PCDH11X: variants seen among roughly 807,000 people sequenced by gnomAD.
The protein encoded by PCDH11X is protocadherin-11 X-linked.
A neutral mutation model predicts 53.3 loss-of-function variants in PCDH11X; 18 were observed. That is an observed-to-expected ratio of 0.34 (90% CI 0.23 to 0.50). The LOEUF is 0.50. PCDH11X is among the 20% of genes least tolerant of loss of function. PCDH11X has a pLI of 0.98. For missense variants in PCDH11X, 570 were observed against 1,032.4 expected (o/e 0.55, Z 6.14); for synonymous variants, 279 against 393.3 (o/e 0.71, Z 3.44).
At chrX:92,038,441 T>A (rs1365613846) in intron 6 of PCDH11X, among the ~76,000 whole-genome samples, 1 of 111,103 alleles carries the variant, frequency 9.0e-6, no homozygotes, top group African/African-American at 3.3e-5. Flanking sequence ...AGCCTCAAGC[T>A]TTGGCAGTAT....
intron 6 of PCDH11X, among the ~76,000 whole-genome samples, chrX:91,940,537 G>A (rs950646596): frequency 3.6e-5 from 4 of 110,413 alleles, no homozygotes; most frequent in Admixed American, 2.9e-4. Flanking sequence ...ACATATATAT[G>A]TATTGTTTTT....
intron 8 of PCDH11X, among the ~76,000 whole-genome samples, chrX:92,284,505 A>G (rs1036699394): frequency 8.9e-6 from 1 of 112,273 alleles, no homozygotes; most frequent in African/African-American, 3.2e-5. Flanking sequence ...ATATATTTTA[A>G]TCCACTGTTA....
intron 6 of PCDH11X, among the ~76,000 whole-genome samples, chrX:91,955,163 T>C (rs2061692941): frequency 1.8e-5 from 2 of 111,683 alleles, no homozygotes; most frequent in Non-Finnish European, 1.9e-5. Context: ...GTTTCAATTT[T>C]CTGCGTATGG....
chrX:91,791,835 G>A (rs1227510647), intron 1 of PCDH11X, among the ~76,000 whole-genome samples: 3 of 99,566 alleles, frequency 3.0e-5, no homozygotes, highest in Non-Finnish European at 6.0e-5. Flanking sequence ...AGAAATATCA[G>A]TTCTATGAAC....
intron 8 of PCDH11X, among the ~76,000 whole-genome samples, chrX:92,270,719 A>G (rs911156928): frequency 4.5e-5 from 5 of 111,888 alleles, no homozygotes; most frequent in African/African-American, 6.5e-5. Context: ...AGTCAATTAT[A>G]TATTATTCTC....
At chrX:92,334,499 G>A (rs775916999) in intron 8 of PCDH11X, among the ~76,000 whole-genome samples, 2 of 111,525 alleles carry the variant, frequency 1.8e-5, no homozygotes, top group African/African-American at 6.5e-5. Context: ...AGTAAAAAGT[G>A]ATCTTTCAGT....
intron 6 of PCDH11X, among the ~76,000 whole-genome samples, chrX:92,156,741 T>C: frequency 8.9e-6 from 1 of 111,830 alleles, no homozygotes; most frequent in South Asian, 3.8e-4. Context: ...GAATTTCCAT[T>C]CCTTGCATAG....
Position 92,618,753 on chromosome X carries a change from C to A in PCDH11X, c.3857C>A (p.Ala1286Asp). 1 of 1,212,021 alleles carries A rather than the reference C, an allele frequency of 8.3e-7. No homozygotes were observed. The highest frequency in any genetic ancestry group is 1.1e-6 in the Non-Finnish European group (1 of 895,528). ...TTGCAGCAAGGTTGGGTGCAAGGTG[C>A]TGATGGGCTATGCTCTGTTGATCAG... is the stretch of plus-strand genomic sequence containing the variant. ...VSLQQGWVQG[A>D]DGLCSVDQGV... Residue 1286 changes from alanine to aspartate, a missense_variant, in exon 11 of 11, where the codon GCT becomes GAT. Ala to Asp is a moderately radical substitution (Grantham distance 126). Transcript: ENST00000682573.
chrX:91,887,710 T>C (rs1044643168), intron 6 of PCDH11X, among the ~76,000 whole-genome samples: 9 of 111,739 alleles, frequency 8.1e-5, no homozygotes, highest in African/African-American at 2.9e-4. Flanking sequence ...TTTAAAATTA[T>C]AGAATTATGC....
intron 6 of PCDH11X, among the ~76,000 whole-genome samples, chrX:92,018,735 C>T (rs2525158): frequency 9.0e-5 from 10 of 110,667 alleles, no homozygotes; most frequent in Admixed American, 1.9e-4. Flanking sequence ...GAGCCATGTA[C>T]GTGTTTGCAT....
At chrX:92,003,685 G>T (rs1369386122) in intron 6 of PCDH11X, among the ~76,000 whole-genome samples, 6 of 99,374 alleles carry the variant, frequency 6.0e-5, no homozygotes, top group Admixed American at 1.1e-4. Context: ...GCTTAGAGTT[G>T]CTCATAGTAG....
chrX:92,375,170 T>A (rs866075397), intron 8 of PCDH11X, among the ~76,000 whole-genome samples: 128 of 14,154 alleles, frequency 9.0e-3, no homozygotes, highest in African/African-American at 0.028. Context: ...ATATATATTT[T>A]TTTTTTTTTT....
At chrX:91,882,769 C>T (rs999179442) in intron 6 of PCDH11X, 32 of 948,123 alleles carry the variant, frequency 3.4e-5, no homozygotes, top group Non-Finnish European at 3.4e-5. Flanking sequence ...TTGGTATTCA[C>T]TATTGTAAAA....
chrX:91,915,800 C>CA (rs35961892), intron 6 of PCDH11X, among the ~76,000 whole-genome samples: 1 of 111,221 alleles, frequency 9.0e-6, no homozygotes, highest in Admixed American at 9.6e-5. Flanking sequence ...GGCAAAAAAT[C>CA]AAAAAATAAA....
At chrX:92,301,103 G>A (rs1271997550) in intron 8 of PCDH11X, among the ~76,000 whole-genome samples, 8 of 111,266 alleles carry the variant, frequency 7.2e-5, no homozygotes, top group Non-Finnish European at 1.5e-4. Context: ...AGGCTGCAGT[G>A]GGGAGAGGGT....
At chrX:91,784,767 C>A (rs1935274034) in intron 1 of PCDH11X, among the ~76,000 whole-genome samples, 1 of 111,341 alleles carries the variant, frequency 9.0e-6, no homozygotes, top group Non-Finnish European at 1.9e-5. Flanking sequence ...CATTAATTAT[C>A]CTGCTAATTT....
chrX:92,466,612 A>G (rs758931725), intron 9 of PCDH11X, among the ~76,000 whole-genome samples: 54 of 110,101 alleles, frequency 4.9e-4, no homozygotes, highest in African/African-American at 1.8e-3. Context: ...AAATTAATCA[A>G]TATTTGACTT....
intron 5 of PCDH11X, among the ~76,000 whole-genome samples, chrX:91,865,576 C>T (rs1359253854): frequency 3.6e-5 from 4 of 111,867 alleles, no homozygotes; most frequent in African/African-American, 1.3e-4. Flanking sequence ...CTATGTCTTT[C>T]ATTTCAGGGT....
chrX:92,043,022 C>T (rs780836549), intron 6 of PCDH11X, among the ~76,000 whole-genome samples: 2 of 109,144 alleles, frequency 1.8e-5, no homozygotes, highest in Admixed American at 1.0e-4. Context: ...TGTGCATTTT[C>T]GATATATTAG....
Sources: allele counts gnomAD v4.1 joint callset (sites outside exome capture counted in the v4.1 genomes callset), GRCh38; gene constraint gnomAD v4.1.1; transcripts MANE v1.5; gene names NCBI Gene and HGNC (gene_info 2026-07-23, HGNC 2026-07-21).